ANXA6: variants seen among roughly 807,000 people sequenced by gnomAD.
The protein encoded by ANXA6 is 67 kDa calelectrin.
ANXA6 carries 71 observed loss-of-function variants against 95.4 expected under a neutral mutation model. The ratio of observed to expected loss-of-function variants is 0.74; its 90% CI spans 0.61 to 0.91. ANXA6 has a LOEUF of 0.91. Among genes scored for constraint, ANXA6 ranks in the 40% least tolerant of loss-of-function variants. The probability of loss-of-function intolerance (pLI) is 0.00; values close to 1 mark genes in which losing one functional copy is unlikely to be tolerated. For synonymous variants in ANXA6, 289 were observed against 315.9 expected, an observed-to-expected ratio of 0.91 and a Z score of 0.90; for missense variants, 830 against 876.4, an observed-to-expected ratio of 0.95 and a Z score of 0.67.
intron 18 of ANXA6, 87 bp downstream of exon 18, chr5:151,119,213 A>G (rs939234795): frequency 9.2e-7 from 1 of 1,092,844 alleles, no homozygotes; most frequent in Non-Finnish European, 1.4e-6. Flanking sequence ...GACAGGCCAG[A>G]GTCCTGGGCA....
At chr5:151,106,236 A>G (rs1764692388) in intron 23 of ANXA6, among the ~76,000 whole-genome samples, 1 of 152,040 alleles carries the variant, frequency 6.6e-6, no homozygotes, top group African/African-American at 2.4e-5. Flanking sequence ...AGCCCTTCAC[A>G]GCTGCTTGAC....
intron 1 of ANXA6, among the ~76,000 whole-genome samples, chr5:151,152,061 A>C (rs758978321): frequency 6.6e-6 from 1 of 152,188 alleles, no homozygotes; most frequent in Non-Finnish European, 1.5e-5. Flanking sequence ...GGAACGGCTC[A>C]CCACTGCCCA....
rs201366459 is a variant in ANXA6, at chr5:151,138,760, G to A, written c.236C>T (p.Thr79Met). Residue 79 changes from threonine (T) to methionine (M), a missense_variant, in exon 5 of 26, where the codon ACG becomes ATG. Coordinates refer to ENST00000354546, the MANE Select transcript of ANXA6 (RefSeq NM_001155.5). ...CACAATCAACCGTTCAAACTTGCCC[G>A]TCAATTCATACTTTAAATCAGCAAT... ...DLIADLKYEL[T>M]GKFERLIVGL... 366 of 1,613,762 alleles carry A rather than the reference G, an allele frequency of 2.3e-4. No individual in the cohort carries two copies. Among genetic ancestry groups the A allele is most frequent in the Admixed American group, 1.5e-3 (90 of 60,012 alleles).
At position 151,138,804 on chromosome 5, in the gene ANXA6, G is replaced by A; in HGVS notation, c.205-13C>T. ...CAGCAATGAGGTCCTGGCAGGTGGG[G>A]AAGAAGAGGAGATAGAAGAGGAAAG... On this transcript the variant is annotated splice_polypyrimidine_tract_variant and intron_variant, in intron 4 of 25. Coordinates refer to ENST00000354546, the MANE Select transcript of ANXA6 (RefSeq NM_001155.5). 1 of 1,560,104 alleles carries A rather than the reference G, an allele frequency of 6.4e-7. No homozygotes were observed. The highest frequency in any genetic ancestry group is 8.8e-7 in the Non-Finnish European group (1 of 1,132,250).
intron 8 of ANXA6, among the ~76,000 whole-genome samples, chr5:151,134,088 G>A (rs973197304): frequency 1.1e-4 from 16 of 152,106 alleles, no homozygotes; most frequent in African/African-American, 2.9e-4. Flanking sequence ...TGTCTCTCCC[G>A]GTACCACTTG....
At chr5:151,153,202 C>T (rs886915030) in intron 1 of ANXA6, among the ~76,000 whole-genome samples, 5 of 152,198 alleles carry the variant, frequency 3.3e-5, no homozygotes, top group Non-Finnish European at 7.3e-5. Flanking sequence ...GAACGCCTTC[C>T]ACCAACATTT....
chr5:151,122,195 C>G lies in ANXA6; in HGVS notation c.1299G>C (p.Met433Ile). The stretch of plus-strand genomic sequence containing the variant: ...TGGCATCGTAATGGGCCGGTGGCAT[C>G]ATGAGCCCCAGAATCAGCCTTGCCA... Reference protein sequence around the residue: ...GDLARLILGLMMPPAHYDAKQ... With the variant: ...GDLARLILGLIMPPAHYDAKQ... Residue 433 changes from methionine to isoleucine, a missense_variant, in exon 17 of 26, where the codon ATG becomes ATC. Transcript: ENST00000354546. 6.2e-7 allele frequency: 1 copy of G among 1,603,090 alleles called. No homozygotes were observed. Among genetic ancestry groups the G allele is most frequent in the Non-Finnish European group, 8.5e-7 (1 of 1,176,052 alleles).
chr5:151,128,136 A>G, intron 13 of ANXA6, 45 bp downstream of exon 13: 1 of 1,560,948 alleles, frequency 6.4e-7, no homozygotes, highest in Non-Finnish European at 8.8e-7. Context: ...CCCGCCTGGC[A>G]CCCCAAGGCC....
chr5:151,140,389 G>T, intron 2 of ANXA6, 146 bp from the exon 3 acceptor site: 1 of 693,082 alleles, frequency 1.4e-6, no homozygotes, highest in Non-Finnish European at 2.5e-6. Context: ...ACCCTGGGGA[G>T]CGGTGTGGAT....
Position 151,101,342 on chromosome 5 carries a change from A to ACCCCCCCCCCCCCCCCCCC in ANXA6, c.*105_*106insGGGGGGGGGGGGGGGGGGG. On this transcript the variant is annotated 3_prime_UTR_variant, in exon 26 of 26. Transcript: ENST00000354546. ...AGAGCCCAACCCAACCCCTCCCCCC[A>ACCCCCCCCCCCCCCCCCCC]CCCCTGCCCCTTCCTTAGTCTCTGG... is the stretch of plus-strand genomic sequence containing the variant. 1 of 146,856 alleles carries ACCCCCCCCCCCCCCCCCCC rather than the reference A, an allele frequency of 6.8e-6. No homozygotes were observed. The highest frequency in any genetic ancestry group is 1.4e-5 in the Non-Finnish European group (1 of 69,368). The allele number at this position is 146,856 out of a possible 1,614,324, so 9.1% of individuals were successfully genotyped here.
chr5:151,123,126 C>T (rs73274252), intron 15 of ANXA6, 115 bp from the exon 16 acceptor site: 26 of 885,710 alleles, frequency 2.9e-5, no homozygotes, highest in African/African-American at 1.2e-4. Flanking sequence ...CCTGGCTAAG[C>T]GGCCATGTGC....
At chr5:151,108,082 A>T (rs1473427677) in intron 23 of ANXA6, among the ~76,000 whole-genome samples, 3 of 151,520 alleles carry the variant, frequency 2.0e-5, no homozygotes, top group African/African-American at 4.9e-5. Flanking sequence ...TTTATGTATG[A>T]GTGTGTGTCA....
At chr5:151,105,559 A>G (rs955276939) in intron 23 of ANXA6, among the ~76,000 whole-genome samples, 2 of 152,176 alleles carry the variant, frequency 1.3e-5, no homozygotes, top group Non-Finnish European at 2.9e-5. Flanking sequence ...CAAGGTCAGG[A>G]GAGGATTCAA....
chr5:151,125,589 G>A (rs962297884), intron 14 of ANXA6, among the ~76,000 whole-genome samples: 2 of 152,000 alleles, frequency 1.3e-5, no homozygotes, highest in African/African-American at 4.8e-5. Context: ...CAGAGACGGC[G>A]GCACCAAACC....
chr5:151,120,628 A>C (rs530708306), intron 17 of ANXA6, among the ~76,000 whole-genome samples: 1 of 152,272 alleles, frequency 6.6e-6, no homozygotes, highest in South Asian at 2.1e-4. Flanking sequence ...CTGAGGCAGG[A>C]GAATCGCTTG....
intron 2 of ANXA6, among the ~76,000 whole-genome samples, chr5:151,141,874 G>A (rs535232048): frequency 1.5e-3 from 228 of 152,296 alleles, no homozygotes; most frequent in African/African-American, 5.2e-3. Context: ...GGGCTTTACT[G>A]CCAGCGCTCC....
intron 20 of ANXA6, among the ~76,000 whole-genome samples, 161 bp downstream of exon 20, chr5:151,116,966 C>G (rs1281559721): frequency 6.6e-6 from 1 of 152,256 alleles, no homozygotes; most frequent in Non-Finnish European, 1.5e-5. Context: ...CACCACACTT[C>G]TAAACCTCAT....
chr5:151,112,035 A>G (rs1364029542), intron 20 of ANXA6, among the ~76,000 whole-genome samples: 3 of 152,032 alleles, frequency 2.0e-5, no homozygotes, highest in African/African-American at 4.8e-5. Context: ...ACCTTAGGTA[A>G]TCCACCCGCC....
At position 151,109,751 on chromosome 5, in the gene ANXA6, A is replaced by C; in HGVS notation, c.1684+2T>G. On this transcript the variant is annotated splice_donor_variant, in intron 22 of 25. Coordinates refer to ENST00000354546, the MANE Select transcript of ANXA6 (RefSeq NM_001155.5). LOFTEE classifies it high-confidence loss of function. ...CTGGGAAGGGAGGAGGTCAGGCCTC[A>C]CCTCTCCGGAGGTGCGGATAGCTCC... The C allele has an allele frequency of 6.2e-7, 1 of 1,605,736 alleles. No individual in the cohort carries two copies. The highest frequency in any genetic ancestry group is 8.5e-7 in the Non-Finnish European group (1 of 1,175,600).
Sources: allele counts gnomAD v4.1 joint callset (sites outside exome capture counted in the v4.1 genomes callset), GRCh38; gene constraint gnomAD v4.1.1; transcripts MANE v1.5; gene names NCBI Gene and HGNC (gene_info 2026-07-23, HGNC 2026-07-21).